The following FBXO41 variants were observed in gnomAD, a reference collection of about 807,000 sequenced individuals.
FBXO41 encodes F-box protein 41.
Under a neutral mutation model 81.6 loss-of-function variants are expected in FBXO41, and 33 were observed. The observed-to-expected ratio is 0.40, with a 90% CI of 0.31 to 0.54. FBXO41 has a LOEUF of 0.54. Among genes scored for constraint, FBXO41 ranks in the 20% least tolerant of loss-of-function variants. The probability of loss-of-function intolerance (pLI) is 0.39; values close to 1 mark genes in which losing one functional copy is unlikely to be tolerated. For synonymous variants in FBXO41, 576 were observed against 552.7 expected, an observed-to-expected ratio of 1.04 and a Z score of -0.59; for missense variants, 1,107 against 1,236.0, an observed-to-expected ratio of 0.90 and a Z score of 1.56.
chr2:73,281,580 C>T (rs1688848223), intron 1 of FBXO41, among the ~76,000 whole-genome samples: 1 of 152,330 alleles, frequency 6.6e-6, no homozygotes, highest in Middle Eastern at 3.4e-3. Flanking sequence ...TCTTGGGATC[C>T]AGCTGCCACA....
chr2:73,264,211 G>T, intron 6 of FBXO41, 67 bp downstream of exon 6: 1 of 1,606,182 alleles, frequency 6.2e-7, no homozygotes, highest in Non-Finnish European at 8.5e-7. Context: ...ACCTCAAGGG[G>T]CCAGATTCTA....
In FBXO41 at chr2:73,266,919, C is replaced by T; in HGVS notation, c.906-237G>A. 2.0e-6 allele frequency: 1 copy of T among 504,152 alleles called. No homozygotes were observed. The highest frequency in any genetic ancestry group is 3.5e-5 in the East Asian group (1 of 28,272). The allele number at this position is 504,152 out of a possible 1,614,324, so 31.2% of individuals were successfully genotyped here. A position where few individuals can be genotyped will look rare whatever the true frequency, so the allele number is the denominator to read the frequency against. The stretch of plus-strand genomic sequence containing the variant: ...CACCCCACCCACCTGGCCCCAGACC[C>T]TGCTCTCCACAGAAATACTGCACAC... On this transcript the variant is annotated intron_variant, in intron 2 of 12. Coordinates refer to ENST00000520530, the MANE Select transcript of FBXO41 (RefSeq NM_001371389.2). This position sits in a 1 kb window ranked among gnomAD's most constrained non-coding sequence, Gnocchi z 5.3.
At chr2:73,263,905 C>A in intron 7 of FBXO41, 33 bp downstream of exon 7, 1 of 1,613,552 alleles carries the variant, frequency 6.2e-7, no homozygotes, top group Non-Finnish European at 8.5e-7. Context: ...TGTGGCCCAA[C>A]AGCACCCACC....
chr2:73,282,864 T>A (rs58688575), intron 1 of FBXO41, among the ~76,000 whole-genome samples: 15,780 of 152,148 alleles, frequency 0.1, 2,111 homozygotes, highest in African/African-American at 0.31. Context: ...GAGTTTGTTT[T>A]CTGGTGGCCC....
Position 73,269,543 on chromosome 2 carries a change from C to G in FBXO41, c.88G>C (p.Glu30Gln), listed in dbSNP as rs1688419609. ...RSLSSLRAHL[E>Q]YSHTYETLYI... ...AGCGTCTCGTAGGTGTGGCTGTACT[C>G]CAGGTGCGCGCGCAGCGACGACAGG... The change falls in exon 2 of 13, where the codon GAG (glutamate) becomes CAG (glutamine). Residue 30 changes from glutamate (E) to glutamine (Q), a missense_variant. Around this residue, in one of 2 missense-constraint regions of FBXO41, gnomAD observed 771 missense variants for 789.2 expected, o/e 0.98. Coordinates refer to ENST00000520530, the MANE Select transcript of FBXO41 (RefSeq NM_001371389.2). This position sits in a 1 kb window ranked among gnomAD's most constrained non-coding sequence, Gnocchi z 7.0. 3 of 1,367,670 alleles carry G rather than the reference C, an allele frequency of 2.2e-6. No individual in the cohort carries two copies. The highest frequency in any genetic ancestry group is 1.5e-5 in the African/African-American group (1 of 65,450). 84.7% of individuals were successfully genotyped at this position (1,367,670 alleles called of 1,614,324 possible).
Position 73,264,057 on chromosome 2 carries a change from TG to T in FBXO41, c.1807-5del. The stretch of plus-strand genomic sequence containing the variant: ...ACTGAGCCAGCATTGCCAGGAACTG[TG>T]GGGGAGGGGAAGGACATTTGGAGAT... On this transcript the variant is annotated splice_polypyrimidine_tract_variant and splice_region_variant and intron_variant, in intron 6 of 12. Transcript: ENST00000520530. The T allele has an allele frequency of 6.3e-7, 1 of 1,585,380 alleles. No individual in the cohort carries two copies. The highest frequency in any genetic ancestry group is 8.6e-7 in the Non-Finnish European group (1 of 1,165,470).
In FBXO41 at chr2:73,259,727, GA is replaced by G. The variant is rs1404379476; in HGVS notation, c.2450-432del. ...GACTGGATATGTCGTGAAGTCGGGG[GA>G]GGTAGAGGAAGATCAGGCGACTGAG... On this transcript the variant is annotated intron_variant, in intron 11 of 12. Coordinates refer to ENST00000520530, the MANE Select transcript of FBXO41 (RefSeq NM_001371389.2). The surrounding 1 kb of genome is among the most constrained non-coding windows in gnomAD (Gnocchi z 4.2). Among the ~76,000 whole-genome samples, 2 of 152,186 alleles carry G rather than the reference GA, an allele frequency of 1.3e-5. No individual in the cohort carries two copies. The highest frequency in any genetic ancestry group is 2.9e-5 in the Non-Finnish European group (2 of 68,044).
Position 73,269,459 on chromosome 2 carries a change from C to T in FBXO41, c.172G>A (p.Ala58Thr). 8.0e-7 allele frequency: 1 copy of T among 1,255,918 alleles called. No individual in the cohort carries two copies. Among genetic ancestry groups the T allele is most frequent in the South Asian group, 2.4e-5 (1 of 41,038 alleles). The allele number at this position is 1,255,918 out of a possible 1,614,324, so 77.8% of individuals were successfully genotyped here. A position where few individuals can be genotyped will look rare whatever the true frequency, so the allele number is the denominator to read the frequency against. ...AGCGGGAACCCCGAGGCAGCGGCGG[C>T]GGCGGCCGCGGCGGCGGCGGCGCCG... ...CDGAAAAAAA[A>T]AAASGFPLAP... Residue 58 changes from alanine to threonine, a missense_variant, in exon 2 of 13, where the codon GCC becomes ACC. Coordinates refer to ENST00000520530, the MANE Select transcript of FBXO41 (RefSeq NM_001371389.2). The surrounding 1 kb of genome is among the most constrained non-coding windows in gnomAD (Gnocchi z 7.0).
Position 73,268,773 on chromosome 2 carries a change from G to C in FBXO41, c.858C>G (p.Leu286=), listed in dbSNP as rs185183839. 18 of 1,576,310 alleles carry C rather than the reference G, an allele frequency of 1.1e-5. No individual in the cohort carries two copies. The Middle Eastern group carries it at 2.5e-3, about 219-fold the overall frequency. The change falls in exon 2 of 13, where the codon CTC becomes CTG. Residue 286 remains leucine, a synonymous_variant. Transcript: ENST00000520530. The part of the protein sequence containing the change: ...VDVSVELLAS[L]KQDLVHKEQE... ...GTTCCTTGTGCACCAGGTCCTGCTT[G>C]AGTGAGGCCAGCAGCTCTACGCTCA...
At chr2:73,279,900 A>G (rs1030927184) in intron 1 of FBXO41, among the ~76,000 whole-genome samples, 1 of 152,188 alleles carries the variant, frequency 6.6e-6, no homozygotes, top group Non-Finnish European at 1.5e-5. Flanking sequence ...CCTGAAATGT[A>G]TAACAATTCT....
rs749361383 is a variant in FBXO41, at chr2:73,265,328, G to A, written c.1518C>T (p.Arg506=). 1.7e-5 allele frequency: 27 copies of A among 1,611,290 alleles called. No homozygotes were observed. Among genetic ancestry groups the A allele is most frequent in the Non-Finnish European group, 2.3e-5 (27 of 1,179,722 alleles). The change falls in exon 5 of 13, where the codon CGC becomes CGT. Residue 506 remains arginine, a synonymous_variant. Coordinates refer to ENST00000520530, the MANE Select transcript of FBXO41 (RefSeq NM_001371389.2). ...SEAEGPLDAP[R]PGPAMAGPLS... The stretch of plus-strand genomic sequence containing the variant: ...ATGGCCCAGCCATAGCAGGCCCGGG[G>A]CGGGGCGCATCCAACGGGCCCTCAG...
At chr2:73,276,503 CA>C (rs1688684168) in intron 1 of FBXO41, among the ~76,000 whole-genome samples, 2 of 147,118 alleles carry the variant, frequency 1.4e-5, no homozygotes, top group South Asian at 4.3e-4. Context: ...GAAGTAAATC[CA>C]AAACATGGTT....
intron 1 of FBXO41, among the ~76,000 whole-genome samples, chr2:73,279,375 T>C (rs548574279): frequency 9.9e-5 from 15 of 152,122 alleles, no homozygotes; most frequent in Admixed American, 3.9e-4. Context: ...AAAAATACAG[T>C]TTTGGCAACT....
rs1254671360 is a variant in FBXO41, at chr2:73,266,782, G to T, written c.906-100C>A. The T allele has an allele frequency of 2.8e-6, 4 of 1,427,202 alleles. No individual in the cohort carries two copies. Among genetic ancestry groups the T allele is most frequent in the Non-Finnish European group, 3.6e-6 (4 of 1,097,132 alleles). 88.4% of individuals were successfully genotyped at this position (1,427,202 alleles called of 1,614,324 possible). On this transcript the variant is annotated intron_variant, in intron 2 of 12. Coordinates refer to ENST00000520530, the MANE Select transcript of FBXO41 (RefSeq NM_001371389.2). This position sits in a 1 kb window ranked among gnomAD's most constrained non-coding sequence, Gnocchi z 5.3. Reference sequence around the variant, plus strand: ...AGTGCGGGGAGACACTGGCACAGCTGCCTGCGGTGTCTGCTTATGGTCACA... The same window carrying T: ...AGTGCGGGGAGACACTGGCACAGCTTCCTGCGGTGTCTGCTTATGGTCACA...
chr2:73,258,988 G>A lies in FBXO41; in HGVS notation c.2622C>T (p.Gly874=). The change falls in exon 13 of 13, where the codon GGC becomes GGT. Residue 874 remains glycine (G), a synonymous_variant. Coordinates refer to ENST00000520530, the MANE Select transcript of FBXO41 (RefSeq NM_001371389.2). ...CTGCCGCCCCCTACCCGGGTTAGCA[G>A]CCGCCTTCCACCTTGATGTGCAGAA... is the stretch of plus-strand genomic sequence containing the variant. ...SKILHIKVEG[G]C The A allele has an allele frequency of 6.3e-7, 1 of 1,580,160 alleles. No individual in the cohort carries two copies. The highest frequency in any genetic ancestry group is 2.4e-5 in the East Asian group (1 of 42,524).
At chr2:73,278,979 T>A (rs889729118) in intron 1 of FBXO41, among the ~76,000 whole-genome samples, 4 of 152,130 alleles carry the variant, frequency 2.6e-5, no homozygotes, top group Non-Finnish European at 5.9e-5. Flanking sequence ...TGGCAAGGGC[T>A]TGATCAGATT....
At position 73,265,525 on chromosome 2, in the gene FBXO41, C is replaced by A. The variant is rs777438782; in HGVS notation, c.1321G>T (p.Gly441Cys). Residue 441 changes from glycine to cysteine, a missense_variant, in exon 5 of 13, where the codon GGC becomes TGC. Transcript: ENST00000520530. Reference sequence around the variant, plus strand: ...CCGTTGGCAGCCTGGGCCCGTGTGCCCAAGCCCCCAGGGCCACTGTCCTCA... The same window carrying A: ...CCGTTGGCAGCCTGGGCCCGTGTGCACAAGCCCCCAGGGCCACTGTCCTCA... ...APEDSGPGGL[G>C]TRAQAANGGS... is the part of the protein sequence containing the mutation. 1 of 1,595,938 alleles carries A rather than the reference C, an allele frequency of 6.3e-7. No individual in the cohort carries two copies. The highest frequency in any genetic ancestry group is 1.3e-5 in the African/African-American group (1 of 74,766).
intron 1 of FBXO41, among the ~76,000 whole-genome samples, chr2:73,282,662 C>T (rs1427697191): frequency 6.6e-6 from 1 of 152,154 alleles, no homozygotes; most frequent in Non-Finnish European, 1.5e-5. Flanking sequence ...ATGATCACTC[C>T]ACCGCACTCC....
chr2:73,259,074 C>T lies in FBXO41; in HGVS notation c.2566-30G>A, dbSNP rs1428893830. 6.8e-6 allele frequency: 11 copies of T among 1,606,276 alleles called. No individual in the cohort carries two copies. The highest frequency in any genetic ancestry group is 1.7e-5 in the Admixed American group (1 of 58,568). ...GGACCGAACCCTGGGTTAGTTCTCCCTCCGTGCCAGGCAGGTGGGGCCCTC... is the reference window on the plus strand; with the variant it reads ...GGACCGAACCCTGGGTTAGTTCTCCTTCCGTGCCAGGCAGGTGGGGCCCTC... On this transcript the variant is annotated intron_variant, in intron 12 of 12. Coordinates refer to ENST00000520530, the MANE Select transcript of FBXO41 (RefSeq NM_001371389.2). This position sits in a 1 kb window ranked among gnomAD's most constrained non-coding sequence, Gnocchi z 4.2.
Sources: allele counts gnomAD v4.1 joint callset (sites outside exome capture counted in the v4.1 genomes callset), GRCh38; gene constraint gnomAD v4.1.1; regional missense constraint gnomAD v4.1.1; non-coding constraint Gnocchi (gnomAD v3.1); transcripts MANE v1.5; gene names NCBI Gene and HGNC (gene_info 2026-07-23, HGNC 2026-07-21).